EPRS1: variants seen among roughly 807,000 people sequenced by gnomAD.
The protein encoded by EPRS1 is bifunctional glutamate/proline--tRNA ligase.
In EPRS1, 107 loss-of-function variants were observed where a neutral mutation model predicts 188.3. The observed-to-expected ratio is 0.57, with a 90% confidence interval of 0.49 to 0.67. The LOEUF is 0.67. EPRS1 is among the 30% of genes least tolerant of loss of function. The pLI, the probability that EPRS1 is intolerant of heterozygous loss-of-function variation, is 0.00. For synonymous variants in EPRS1, 596 were observed against 593.1 expected, an observed-to-expected ratio of 1.00 and a Z score of -0.07; for missense variants, 1,577 against 1,802.2, an observed-to-expected ratio of 0.88 and a Z score of 2.26.
At chr1:220,034,790 A>G (rs959717305) in intron 3 of EPRS1, 124 bp downstream of exon 3, 14 of 695,788 alleles carry the variant, frequency 2.0e-5, no homozygotes, top group African/African-American at 1.6e-4. Flanking sequence ...CTTGGTCTAT[A>G]TAATTAACAC....
rs900996550 is a variant in EPRS1, at chr1:219,991,657, C to T, written c.2542-2834G>A. 2.6e-5 allele frequency among the ~76,000 whole-genome samples: 4 copies of T among 152,158 alleles called. No individual in the cohort carries two copies. The South Asian group carries it at 6.2e-4, about 24-fold the overall frequency. ...TTGTGCATAGCTTAAATACCTACAC[C>T]TGTAAGGAATAACCGATTACTGAAA... On this transcript the variant is annotated intron_variant, in intron 18 of 31. Transcript: ENST00000366923.
chr1:220,019,941 C>T lies in EPRS1; in HGVS notation c.1349+47G>A, dbSNP rs1470127481. ...CTCAAGCAGTTTAAAAATCACTGAT[C>T]TACTATGTCCTTACTTCTTGTCAAT... On this transcript the variant is annotated intron_variant, in intron 10 of 31. Coordinates refer to ENST00000366923, the MANE Select transcript of EPRS1 (RefSeq NM_004446.3). The T allele has an allele frequency of 2.3e-6, 3 of 1,318,184 alleles. No homozygotes were observed. In the South Asian group the frequency reaches 3.7e-5, roughly 16 times the overall value. The allele number at this position is 1,318,184 out of a possible 1,614,324, so 81.7% of individuals were successfully genotyped here.
intron 2 of EPRS1, among the ~76,000 whole-genome samples, chr1:220,037,440 G>A (rs962703808): frequency 6.6e-6 from 1 of 150,788 alleles, no homozygotes; most frequent in Middle Eastern, 3.4e-3. Context: ...GGGAGGCGGA[G>A]GTTGCAGTGA....
chr1:220,025,959 T>A (rs185203514), intron 6 of EPRS1, among the ~76,000 whole-genome samples: 8 of 152,302 alleles, frequency 5.3e-5, no homozygotes, highest in Non-Finnish European at 1.2e-4. Context: ...CATGCCCAGC[T>A]AATTTTTGTA....
At chr1:220,037,800 A>G (rs963111539) in intron 2 of EPRS1, among the ~76,000 whole-genome samples, 6 of 152,158 alleles carry the variant, frequency 3.9e-5, no homozygotes, top group Non-Finnish European at 8.8e-5. Context: ...AGTCACATAG[A>G]AAAGTTCAGA....
chr1:220,037,175 G>C (rs552324589), intron 2 of EPRS1, among the ~76,000 whole-genome samples: 7 of 152,142 alleles, frequency 4.6e-5, no homozygotes, highest in Non-Finnish European at 7.4e-5. Context: ...TTGCACTCCA[G>C]CCTGGACAGC....
chr1:220,032,507 T>C lies in EPRS1; in HGVS notation c.408A>G (p.Glu136=). The C allele has an allele frequency of 6.2e-7, 1 of 1,613,044 alleles. No homozygotes were observed. The highest frequency in any genetic ancestry group is 1.1e-5 in the South Asian group (1 of 90,702). The part of the protein sequence containing the change: ...ATLKGNAAWQ[E]QLKQKKAPVH... ...CTGGAGCTTTCTTCTGTTTCAACTG[T>C]TCTTGCCAGGCAGCATTTCCTATGA... The change falls in exon 5 of 32, where the codon GAA becomes GAG. Residue 136 remains glutamate (E), a synonymous_variant. Transcript: ENST00000366923.
At chr1:220,021,953 T>C (rs1314305916) in intron 9 of EPRS1, among the ~76,000 whole-genome samples, 1 of 152,210 alleles carries the variant, frequency 6.6e-6, no homozygotes, top group Admixed American at 6.5e-5. Context: ...GTTACTCTCC[T>C]GTATTGTTCA....
At position 220,022,477 on chromosome 1, in the gene EPRS1, C is replaced by T. The variant is rs1416932288; in HGVS notation, c.985G>A (p.Gly329Arg). The stretch of plus-strand genomic sequence containing the variant: ...CAACAGGACTGACCAAACTGGCTCC[C>T]TTTTTTCATTTCTTCCCACATTTGT... Reference protein sequence around the residue: ...NLQMWEEMKKGSQFGQSCCLR... With the variant: ...NLQMWEEMKKRSQFGQSCCLR... Residue 329 changes from glycine (G) to arginine (R), a missense_variant, in exon 9 of 32, where the codon GGG becomes AGG. Gly to Arg is a moderately radical substitution (Grantham distance 125, BLOSUM62 -2). Coordinates refer to ENST00000366923, the MANE Select transcript of EPRS1 (RefSeq NM_004446.3). 1 of 1,613,568 alleles carries T rather than the reference C, an allele frequency of 6.2e-7. No individual in the cohort carries two copies.
At chr1:219,996,559 A>G (rs1661235671) in intron 18 of EPRS1, among the ~76,000 whole-genome samples, 2 of 152,240 alleles carry the variant, frequency 1.3e-5, no homozygotes, top group African/African-American at 4.8e-5. Context: ...TCTGGTGCAC[A>G]GTAAAGCTTG....
At chr1:220,000,157 A>G (rs777048231) in intron 17 of EPRS1, among the ~76,000 whole-genome samples, 34 of 152,226 alleles carry the variant, frequency 2.2e-4, no homozygotes, top group Non-Finnish European at 4.6e-4. Context: ...GAAGTTTTTC[A>G]AGAACACATA....
In EPRS1 at chr1:219,987,204, G is replaced by C. The variant is rs781609128; in HGVS notation, c.2976C>G (p.Asn992Lys). ...NDGQRKDPSK[N>K]QGGGLSSSGA... ...CACTTGATGAGAGCCCACCTCCTTGGTTTTTAGAAGGGTCTTTCCTTTGGC... is the reference window on the plus strand; with the variant it reads ...CACTTGATGAGAGCCCACCTCCTTGCTTTTTAGAAGGGTCTTTCCTTTGGC... Residue 992 changes from asparagine (N) to lysine (K), a missense_variant, in exon 20 of 32, where the codon AAC (asparagine) becomes AAG (lysine). By Grantham distance (94) the Asn-to-Lys change is moderately conservative (BLOSUM62 0). Coordinates refer to ENST00000366923, the MANE Select transcript of EPRS1 (RefSeq NM_004446.3). 3 of 1,614,022 alleles carry C rather than the reference G, an allele frequency of 1.9e-6. No individual in the cohort carries two copies. In the South Asian group the frequency reaches 3.3e-5, roughly 18 times the overall value.
chr1:219,997,944 T>C, intron 17 of EPRS1, among the ~76,000 whole-genome samples: 1 of 152,202 alleles, frequency 6.6e-6, no homozygotes, highest in Admixed American at 6.6e-5. Context: ...GTTTCATTTG[T>C]GTAAAATTAT....
At chr1:220,007,491 C>CTT in intron 13 of EPRS1, 153 bp from the exon 14 acceptor site, 1 of 604,910 alleles carries the variant, frequency 1.7e-6, no homozygotes, top group Non-Finnish European at 2.8e-6. Context: ...GAAGAAAATG[C>CTT]TTTACTCTTT....
At chr1:220,018,350 C>T (rs1661780712) in intron 12 of EPRS1, 99 bp downstream of exon 12, 3 of 1,083,358 alleles carry the variant, frequency 2.8e-6, no homozygotes, top group Non-Finnish European at 4.2e-6. Context: ...TAATATTCTT[C>T]ACAAACTTTT....
intron 12 of EPRS1, chr1:220,017,988 A>G (rs1366874466): frequency 4.9e-6 from 2 of 408,246 alleles, no homozygotes; most frequent in East Asian, 1.4e-4. Context: ...CACTAGGAAT[A>G]ATGCATTTTC....
rs201277065 is a variant in EPRS1 at position 220,015,798 on chromosome 1, A to T, written c.1494+2651T>A. Among the ~76,000 whole-genome samples, 1,010 of 150,526 alleles carry T rather than the reference A, an allele frequency of 6.7e-3. 6 individuals are homozygous for T. The highest frequency in any genetic ancestry group is 0.011 in the African/African-American group (450 of 41,214). ...CAGGAAAGCAAGAAGGTAATATAAAAAAAAAAAAAAGAAGATCCAAGAATG... is the reference window on the plus strand; with the variant it reads ...CAGGAAAGCAAGAAGGTAATATAAATAAAAAAAAAAGAAGATCCAAGAATG... On this transcript the variant is annotated intron_variant, in intron 12 of 31. Transcript: ENST00000366923.
rs1485216170 is a variant in EPRS1 at position 220,006,093 on chromosome 1, T to C, written c.1950+13A>G. 6.8e-7 allele frequency: 1 copy of C among 1,476,092 alleles called. No individual in the cohort carries two copies. Among genetic ancestry groups the C allele is most frequent in the East Asian group, 2.4e-5 (1 of 42,006 alleles). 91.4% of individuals were successfully genotyped at this position (1,476,092 alleles called of 1,614,324 possible). On this transcript the variant is annotated intron_variant, in intron 15 of 31. Transcript: ENST00000366923. ...AATTTAAAAGGTGAAATATGGTTTC[T>C]TTGGAAGGTTACCTTACTGTTCTTG...
chr1:220,038,390 C>CTTTTTTTTTTTT (rs71169431), intron 2 of EPRS1, among the ~76,000 whole-genome samples: 3 of 101,586 alleles, frequency 3.0e-5, no homozygotes, highest in Admixed American at 1.3e-4. Flanking sequence ...CTCAGTTTAT[C>CTTTTTTTTTTTT]TTTTTTTTTT....
Sources: gnomAD v4.1 joint callset for allele counts (sites outside exome capture counted in the v4.1 genomes callset) on GRCh38, gnomAD v4.1.1 for gene constraint, MANE v1.5 for transcripts, NCBI Gene and HGNC (gene_info 2026-07-23, HGNC 2026-07-21) for gene names.